The following FARP1 variants were observed in gnomAD, a reference collection of about 807,000 sequenced individuals.
The protein encoded by FARP1 is FERM, ARH/RhoGEF and pleckstrin domain protein 1.
In FARP1, 52 loss-of-function variants were observed where a neutral mutation model predicts 128.8. That is an observed-to-expected ratio of 0.40 (90% CI 0.32 to 0.51). FARP1 has a LOEUF of 0.51. FARP1 is among the 20% of genes least tolerant of loss of function. FARP1 has a pLI of 0.45. For missense variants in FARP1, 1,333 were observed against 1,367.9 expected, an observed-to-expected ratio of 0.97 and a Z score of 0.40; for synonymous variants, 580 against 551.8, an observed-to-expected ratio of 1.05 and a Z score of -0.72.
intron 2 of FARP1, among the ~76,000 whole-genome samples, chr13:98,238,571 G>A (rs1235580435): frequency 6.6e-6 from 1 of 152,172 alleles, no homozygotes; most frequent in Non-Finnish European, 1.5e-5. Flanking sequence ...GAGGAGAAAG[G>A]CATGTCTTAC....
intron 8 of FARP1, 28 bp downstream of exon 8, chr13:98,385,842 T>A (rs1394819882): frequency 6.2e-7 from 1 of 1,610,452 alleles, no homozygotes; most frequent in Non-Finnish European, 8.5e-7. Flanking sequence ...ACGGCCTGGT[T>A]CCCTTGGTGA....
At chr13:98,187,089 A>C (rs1400610753) in intron 1 of FARP1, among the ~76,000 whole-genome samples, 3 of 151,624 alleles carry the variant, frequency 2.0e-5, no homozygotes, top group Non-Finnish European at 1.5e-5. Context: ...TTATACCCAG[A>C]AGTGGAATCA....
Position 98,388,415 on chromosome 13 carries a change from C to T in FARP1, c.792C>T (p.Ala264=), listed in dbSNP as rs746193987. The T allele has an allele frequency of 1.1e-5, 17 of 1,614,072 alleles. No individual in the cohort carries two copies. Among genetic ancestry groups the T allele is most frequent in the Non-Finnish European group, 1.4e-5 (17 of 1,179,944 alleles). The change falls in exon 9 of 27, where the codon GCC becomes GCT. Residue 264 remains alanine, a synonymous_variant. Transcript: ENST00000319562. ...CTAAGATCAATGCCTTCAACTGGGCCAAGGTGCGGAAGCTGAGCTTCAAGA... is the reference window on the plus strand; with the variant it reads ...CTAAGATCAATGCCTTCAACTGGGCTAAGGTGCGGAAGCTGAGCTTCAAGA... ...GFTKINAFNW[A]KVRKLSFKRK... is the part of the protein sequence containing the mutation.
chr13:98,309,351 A>G (rs963330186), intron 2 of FARP1, among the ~76,000 whole-genome samples: 1 of 149,100 alleles, frequency 6.7e-6, no homozygotes, highest in African/African-American at 2.5e-5. Flanking sequence ...TTGTATTTTT[A>G]GTAGAGACGG....
At chr13:98,373,784 A>T (rs1889461291) in intron 5 of FARP1, among the ~76,000 whole-genome samples, 1 of 152,178 alleles carries the variant, frequency 6.6e-6, no homozygotes, top group Admixed American at 6.5e-5. Context: ...ATTTTTAAAA[A>T]CTGCCAACTT....
chr13:98,430,117 G>A (rs1891954033), intron 17 of FARP1, among the ~76,000 whole-genome samples: 1 of 152,018 alleles, frequency 6.6e-6, no homozygotes, highest in Admixed American at 6.6e-5. Flanking sequence ...AGCTGGGTGT[G>A]GTGGCTCAAG....
intron 2 of FARP1, among the ~76,000 whole-genome samples, chr13:98,289,146 C>T (rs1290832829): frequency 6.6e-6 from 1 of 152,142 alleles, no homozygotes; most frequent in African/African-American, 2.4e-5. Context: ...TAGTCCTATG[C>T]CAAGACTTGT....
intron 2 of FARP1, among the ~76,000 whole-genome samples, chr13:98,337,355 G>T (rs1394891597): frequency 6.6e-6 from 1 of 152,114 alleles, no homozygotes; most frequent in Admixed American, 6.6e-5. Context: ...CAAGGCGACA[G>T]CAATACACTG....
intron 2 of FARP1, among the ~76,000 whole-genome samples, chr13:98,236,411 T>G (rs1476810506): frequency 6.6e-6 from 1 of 152,170 alleles, no homozygotes. Context: ...GCACGGAAAA[T>G]GCATAGACGT....
intron 2 of FARP1, among the ~76,000 whole-genome samples, chr13:98,335,037 G>A (rs1887683805): frequency 6.6e-6 from 1 of 152,210 alleles, no homozygotes. Context: ...ACCCATTCAA[G>A]TGGGCTACTT....
At chr13:98,305,049 T>G (rs1161012882) in intron 2 of FARP1, among the ~76,000 whole-genome samples, 1 of 152,136 alleles carries the variant, frequency 6.6e-6, no homozygotes, top group Non-Finnish European at 1.5e-5. Flanking sequence ...GAGTGAAGGT[T>G]CACTGTAATT....
At chr13:98,220,255 T>C (rs1294827800) in intron 2 of FARP1, among the ~76,000 whole-genome samples, 2 of 152,126 alleles carry the variant, frequency 1.3e-5, no homozygotes, top group African/African-American at 4.8e-5. Context: ...CTTAATTTTC[T>C]TCTTTTGCCC....
chr13:98,214,934 C>T (rs1228250419), intron 2 of FARP1, among the ~76,000 whole-genome samples: 2 of 152,150 alleles, frequency 1.3e-5, no homozygotes, highest in Admixed American at 6.5e-5. Flanking sequence ...TGAGGTGTTT[C>T]GTTTCAGTGT....
intron 16 of FARP1, among the ~76,000 whole-genome samples, chr13:98,414,996 C>A (rs146703474): frequency 7.2e-5 from 11 of 152,328 alleles, no homozygotes; most frequent in African/African-American, 2.6e-4. Context: ...AATGTCTGAA[C>A]ACAGAAAAGG....
chr13:98,411,953 G>C lies in FARP1; in HGVS notation c.1745G>C (p.Ser582Thr). 6.2e-7 allele frequency: 1 copy of C among 1,614,082 alleles called. No individual in the cohort carries two copies. Among genetic ancestry groups the C allele is most frequent in the Non-Finnish European group, 8.5e-7 (1 of 1,179,934 alleles). ...KEDAMPEALK[S>T]LIFPNFEPLH... ...GACGCCATGCCGGAAGCACTGAAAA[G>C]TCTCATATTCCCGAATTTTGAACCT... is the stretch of plus-strand genomic sequence containing the variant. Residue 582 changes from serine to threonine, a missense_variant, in exon 16 of 27, where the codon AGT (serine) becomes ACT (threonine). Physicochemically the swap from Ser to Thr is moderately conservative, Grantham distance 58. Coordinates refer to ENST00000319562, the MANE Select transcript of FARP1 (RefSeq NM_005766.4).
At chr13:98,143,569 G>C (rs1594191410) in intron 1 of FARP1, 77 bp downstream of exon 1, 2 of 150,644 alleles carry the variant, frequency 1.3e-5, no homozygotes, top group East Asian at 3.9e-4. Context: ...GCGGCAACTT[G>C]TGCGAGTCCA....
chr13:98,359,828 C>G (rs1365768679), intron 3 of FARP1, among the ~76,000 whole-genome samples: 1 of 152,164 alleles, frequency 6.6e-6, no homozygotes, highest in African/African-American at 2.4e-5. Context: ...CACACAATGC[C>G]AAGGTCACCT....
At position 98,234,471 on chromosome 13, in the gene FARP1, A is replaced by C. The variant is rs75393044; in HGVS notation, c.171+21058A>C. The C allele has an allele frequency of 3.5e-4, 53 of 152,330 alleles. 1 individual carries two copies. The highest frequency in any genetic ancestry group is 1.2e-3 in the African/African-American group (51 of 41,568). 9.4% of individuals were successfully genotyped at this position (152,330 alleles called of 1,614,324 possible). On this transcript the variant is annotated intron_variant, in intron 2 of 26. Coordinates refer to ENST00000319562, the MANE Select transcript of FARP1 (RefSeq NM_005766.4). ...TAATCTCAAATATTTTTAAATGCTC[A>C]AAGAACATATTGCTTCAGCTTCATT...
rs1877555533 is a variant in FARP1, at chr13:98,170,200, T to C, written c.-24+26708T>C. The stretch of plus-strand genomic sequence containing the variant: ...TAGAATGTCTGCATTTTTTTTGTTT[T>C]TGATACAGAGTCTTACTCTGTCACC... On this transcript the variant is annotated intron_variant, in intron 1 of 26. Transcript: ENST00000319562. Among the ~76,000 whole-genome samples the C allele has an allele frequency of 5.3e-5, 8 of 152,284 alleles. No homozygotes were observed. The South Asian group carries it at 1.7e-3, about 32-fold the overall frequency.
Sources: gnomAD v4.1 joint callset for allele counts (sites outside exome capture counted in the v4.1 genomes callset) on GRCh38, gnomAD v4.1.1 for gene constraint, MANE v1.5 for transcripts, NCBI Gene and HGNC (gene_info 2026-07-23, HGNC 2026-07-21) for gene names.